The following RAP1GAP variants were observed in gnomAD, a reference collection of about 807,000 sequenced individuals.
RAP1GAP encodes RAP1 GTPase activating protein, also known as rap1 GTPase-activating protein 1.
Under a neutral mutation model 87.2 loss-of-function variants are expected in RAP1GAP, and 35 were observed. The observed-to-expected ratio is 0.40, with a 90% CI of 0.31 to 0.53. RAP1GAP has a LOEUF of 0.53. Ranked by LOEUF, RAP1GAP falls within the 20% of genes least tolerant of loss-of-function variation. The pLI, the probability that RAP1GAP is intolerant of heterozygous loss-of-function variation, is 0.48. For missense variants in RAP1GAP, 734 were observed against 898.9 expected, an observed-to-expected ratio of 0.82 and a Z score of 2.35; for synonymous variants, 375 against 363.9, an observed-to-expected ratio of 1.03 and a Z score of -0.35.
At chr1:21,639,113 G>C (rs949139635) in intron 2 of RAP1GAP, among the ~76,000 whole-genome samples, 2 of 152,226 alleles carry the variant, frequency 1.3e-5, no homozygotes, top group Admixed American at 6.5e-5. Context: ...AGCATGTGTG[G>C]GGACAGGGCT....
In RAP1GAP at chr1:21,660,339, C is replaced by CTATTTATATATATA. The variant is rs563814821; in HGVS notation, c.-149+8914_-149+8915insTATATATATAAATA. 2.3e-4 allele frequency among the ~76,000 whole-genome samples: 12 copies of CTATTTATATATATA among 52,848 alleles called. 1 individual carries two copies. Among genetic ancestry groups the CTATTTATATATATA allele is most frequent in the Middle Eastern group, 0.018 (2 of 110 alleles). The allele number at this position is 52,848 out of a possible 152,430, so 34.7% of individuals were successfully genotyped here. On this transcript the variant is annotated intron_variant, in intron 1 of 24. Transcript: ENST00000374765. ...CTGGACAGAGTGGGTTCCAACTCAGCTATATATATTTATTGAGACAGTCTC... is the reference window on the plus strand; with the variant it reads ...CTGGACAGAGTGGGTTCCAACTCAGCTATTTATATATATATATATATATTTATTGAGACAGTCTC...
chr1:21,626,560 A>C (rs1057373834), intron 2 of RAP1GAP, among the ~76,000 whole-genome samples, 163 bp from the exon 3 acceptor site: 2 of 152,102 alleles, frequency 1.3e-5, no homozygotes, highest in Non-Finnish European at 2.9e-5. Flanking sequence ...CTTCATTAGC[A>C]GGGCTACCAC....
intron 1 of RAP1GAP, among the ~76,000 whole-genome samples, chr1:21,657,932 T>C (rs2096929007): frequency 6.6e-6 from 1 of 152,144 alleles, no homozygotes; most frequent in Admixed American, 6.6e-5. Flanking sequence ...AAGGCCCTCA[T>C]TGAGGCAGTG....
At chr1:21,651,727 T>TGCACACGC in intron 1 of RAP1GAP, 1 of 1,097,024 alleles carries the variant, frequency 9.1e-7, no homozygotes, top group Non-Finnish European at 1.3e-6. Flanking sequence ...CCCCCACGCG[T>TGCACACGC]GCACACGCAC....
At position 21,612,023 on chromosome 1, in the gene RAP1GAP, C is replaced by A. The variant is rs1340799720; in HGVS notation, c.612+3G>T. 6.5e-7 allele frequency: 1 copy of A among 1,549,200 alleles called. No homozygotes were observed. Among genetic ancestry groups the A allele is most frequent in the African/African-American group, 1.4e-5 (1 of 73,288 alleles). On this transcript the variant is annotated splice_donor_region_variant and intron_variant, in intron 11 of 24. Transcript: ENST00000374765. ...AGGGGCGGCAGGGAGGAGGTGAGCA[C>A]ACCTGCCCAAGCTTCTGATAAATGA...
rs1490887246 is a variant in RAP1GAP, at chr1:21,601,677, C to A, written c.1652+7G>T. 2 of 1,595,188 alleles carry A rather than the reference C, an allele frequency of 1.3e-6. No individual in the cohort carries two copies. The highest frequency in any genetic ancestry group is 4.5e-5 in the East Asian group (2 of 44,564). ...GCCCCCAAGCCCCACGTGCCCTGAGCCCCAACCTGTTCTTGGTCGTGGGCA... is the reference window on the plus strand; with the variant it reads ...GCCCCCAAGCCCCACGTGCCCTGAGACCCAACCTGTTCTTGGTCGTGGGCA... On this transcript the variant is annotated splice_region_variant and intron_variant, in intron 20 of 24. Transcript: ENST00000374765.
chr1:21,649,871 C>T, intron 1 of RAP1GAP, 75 bp from the exon 2 acceptor site: 1 of 1,429,984 alleles, frequency 7.0e-7, no homozygotes. Context: ...ATCACACCCA[C>T]CTGCACTGCA....
chr1:21,611,357 GC>G, intron 13 of RAP1GAP, 94 bp downstream of exon 13: 2 of 1,460,310 alleles, frequency 1.4e-6, no homozygotes. Flanking sequence ...CCATCCCAGG[GC>G]CCAGCGCTGA....
chr1:21,643,912 A>G (rs371950542), intron 2 of RAP1GAP, among the ~76,000 whole-genome samples: 4 of 152,330 alleles, frequency 2.6e-5, no homozygotes, highest in African/African-American at 9.6e-5. Context: ...TGCATCTCAG[A>G]CAAATAGACC....
intron 1 of RAP1GAP, among the ~76,000 whole-genome samples, chr1:21,658,645 G>A (rs772919465): frequency 1.7e-4 from 26 of 152,184 alleles, no homozygotes; most frequent in Non-Finnish European, 3.7e-4. Context: ...ACCTTGAGAG[G>A]CTGAGGTGAG....
intron 1 of RAP1GAP, among the ~76,000 whole-genome samples, chr1:21,651,181 C>T (rs750283505): frequency 2.2e-4 from 33 of 152,232 alleles, no homozygotes; most frequent in Non-Finnish European, 4.1e-4. Context: ...GGCCTCCAAG[C>T]CCAGGCAGCC....
Position 21,600,870 on chromosome 1 carries a change from G to A in RAP1GAP, c.1652+814C>T, listed in dbSNP as rs371964203. 1.5e-3 allele frequency among the ~76,000 whole-genome samples: 85 copies of A among 55,428 alleles called. 1 individual carries two copies. The highest frequency in any genetic ancestry group is 6.6e-3 in the African/African-American group (82 of 12,394). The allele number at this position is 55,428 out of a possible 152,430, so 36.4% of individuals were successfully genotyped here. A position where few individuals can be genotyped will look rare whatever the true frequency, so the allele number is the denominator to read the frequency against. ...ACTGCACTCCAGCCTGGGAGACAGA[G>A]CAAGACTCTGTCTCAAAAAAAAAAA... On this transcript the variant is annotated intron_variant, in intron 20 of 24. Transcript: ENST00000374765.
At chr1:21,647,992 C>T (rs553076083) in intron 2 of RAP1GAP, among the ~76,000 whole-genome samples, 18 of 152,272 alleles carry the variant, frequency 1.2e-4, no homozygotes, top group African/African-American at 4.1e-4. Flanking sequence ...CCCTTGAATG[C>T]CAGGAGATCA....
chr1:21,620,128 C>G (rs914601416), intron 3 of RAP1GAP, 78 bp from the exon 4 acceptor site: 1 of 1,509,078 alleles, frequency 6.6e-7, no homozygotes, highest in Non-Finnish European at 9.2e-7. Context: ...CCCGGCCCTC[C>G]GGGTCCCACC....
chr1:21,631,351 C>T (rs1017589745), intron 2 of RAP1GAP, among the ~76,000 whole-genome samples: 1 of 152,228 alleles, frequency 6.6e-6, no homozygotes, highest in Non-Finnish European at 1.5e-5. Flanking sequence ...CTGGAGCTTA[C>T]ACTGGCATTG....
intron 1 of RAP1GAP, among the ~76,000 whole-genome samples, chr1:21,660,339 C>CCATATATATA (rs1553503814): frequency 3.0e-4 from 16 of 52,832 alleles, no homozygotes; most frequent in Admixed American, 1.1e-3. Context: ...TCCAACTCAG[C>CCATATATATA]TATATATATT....
chr1:21,643,037 CAT>C (rs997892887), intron 2 of RAP1GAP, among the ~76,000 whole-genome samples: 7 of 152,254 alleles, frequency 4.6e-5, no homozygotes, highest in Non-Finnish European at 7.4e-5. Flanking sequence ...CTAGTCAGCA[CAT>C]GTCATTCCCA....
rs747842607 is a variant in RAP1GAP, at chr1:21,603,524, G to A, written c.1429-611C>T. The A allele has an allele frequency of 1.3e-5, 8 of 603,062 alleles. No homozygotes were observed. The highest frequency in any genetic ancestry group is 2.6e-4 in the Middle Eastern group (1 of 3,870). 37.4% of individuals were successfully genotyped at this position (603,062 alleles called of 1,614,324 possible). ...AGAGGGATGGCGCTCCATGCAGACC[G>A]GCGATATTGGGGGACGTGCGGCTGG... On this transcript the variant is annotated intron_variant, in intron 18 of 24. Coordinates refer to ENST00000374765, the MANE Select transcript of RAP1GAP (RefSeq NM_002885.4). This position sits in a 1 kb window ranked among gnomAD's most constrained non-coding sequence, Gnocchi z 6.0.
At chr1:21,657,835 G>A (rs1049902463) in intron 1 of RAP1GAP, among the ~76,000 whole-genome samples, 1 of 152,172 alleles carries the variant, frequency 6.6e-6, no homozygotes, top group Non-Finnish European at 1.5e-5. Flanking sequence ...ATAATGGGGG[G>A]AGAGAGTTTC....
Sources: allele counts gnomAD v4.1 joint callset (sites outside exome capture counted in the v4.1 genomes callset), GRCh38; gene constraint gnomAD v4.1.1; non-coding constraint Gnocchi (gnomAD v3.1); transcripts MANE v1.5; gene names NCBI Gene and HGNC (gene_info 2026-07-23, HGNC 2026-07-21).